The following KLHL3 variants were observed in gnomAD, a reference collection of about 807,000 sequenced individuals.
KLHL3 encodes kelch like family member 3, also known as kelch-like protein 3.
KLHL3 carries 19 observed loss-of-function variants against 70.5 expected under a neutral mutation model. The observed-to-expected ratio is 0.27, with a 90% confidence interval of 0.19 to 0.40. KLHL3 has a LOEUF of 0.40. Ranked by LOEUF, KLHL3 falls within the 10% of genes least tolerant of loss-of-function variation. The pLI, the probability that KLHL3 is intolerant of heterozygous loss-of-function variation, is 1.00. For missense variants in KLHL3, 512 were observed against 771.1 expected (o/e 0.66, Z 3.98); for synonymous variants, 258 against 290.3 (o/e 0.89, Z 1.13).
intron 3 of KLHL3, among the ~76,000 whole-genome samples, chr5:137,699,724 T>C (rs1197790074): frequency 6.6e-6 from 1 of 152,140 alleles, no homozygotes; most frequent in East Asian, 1.9e-4. Flanking sequence ...CATGTCTTTG[T>C]AGACTGAAAT....
At chr5:137,688,472 A>G (rs1371931989) in intron 5 of KLHL3, among the ~76,000 whole-genome samples, 1 of 152,234 alleles carries the variant, frequency 6.6e-6, no homozygotes, top group Non-Finnish European at 1.5e-5. Context: ...CCCTGTGTCT[A>G]GCGGACAGCT....
In KLHL3 at chr5:137,735,634, T is replaced by G; in HGVS notation, c.13A>C (p.Ser5Arg). Residue 5 changes from serine (S) to arginine (R), a missense_variant and splice_region_variant, in exon 1 of 15, where the codon AGT becomes CGT. By Grantham distance (110) the Ser-to-Arg change is moderately radical (BLOSUM62 -1). Coordinates refer to ENST00000309755, the MANE Select transcript of KLHL3 (RefSeq NM_017415.3). Reference sequence around the variant, plus strand: ...CAGCACACACTTATACATACATACCTTTCACCCTCCATTGTGTGAGGCCCA... The same window carrying G: ...CAGCACACACTTATACATACATACCGTTCACCCTCCATTGTGTGAGGCCCA... MEGE[S>R]VKLSSQTLIQ... 1 of 1,610,112 alleles carries G rather than the reference T, an allele frequency of 6.2e-7. No individual in the cohort carries two copies. The highest frequency in any genetic ancestry group is 8.5e-7 in the Non-Finnish European group (1 of 1,176,392).
intron 5 of KLHL3, among the ~76,000 whole-genome samples, chr5:137,683,934 G>A (rs1397983395): frequency 3.3e-5 from 5 of 152,274 alleles, no homozygotes; most frequent in Admixed American, 2.0e-4. Flanking sequence ...AGCAAGCAAC[G>A]AAACCTATCT....
At chr5:137,664,552 G>T (rs1751565971) in intron 6 of KLHL3, among the ~76,000 whole-genome samples, 2 of 151,984 alleles carry the variant, frequency 1.3e-5, no homozygotes, top group Admixed American at 1.3e-4. Context: ...TAAAGGCCAG[G>T]TGCAGTGGCT....
intron 8 of KLHL3, among the ~76,000 whole-genome samples, chr5:137,646,248 C>T (rs1751042280): frequency 6.6e-6 from 1 of 152,086 alleles, no homozygotes; most frequent in African/African-American, 2.4e-5. Flanking sequence ...TATCACCTCA[C>T]CCCAATTAGA....
At chr5:137,665,207 A>G (rs2149899891) in intron 6 of KLHL3, among the ~76,000 whole-genome samples, 1 of 152,332 alleles carries the variant, frequency 6.6e-6, no homozygotes. Context: ...GATTAGAGAG[A>G]TTTATAGACA....
At chr5:137,633,650 T>C (rs1320111102) in intron 12 of KLHL3, among the ~76,000 whole-genome samples, 1 of 152,226 alleles carries the variant, frequency 6.6e-6, no homozygotes, top group African/African-American at 2.4e-5. Context: ...AGTGAAATCA[T>C]GTCCTTTGCA....
chr5:137,708,578 C>G lies in KLHL3; in HGVS notation c.241+1172G>C, dbSNP rs115442277. 1.6e-3 allele frequency among the ~76,000 whole-genome samples: 248 copies of G among 152,294 alleles called. 1 individual carries two copies. The highest frequency in any genetic ancestry group is 5.9e-3 in the African/African-American group (245 of 41,558). On this transcript the variant is annotated intron_variant, in intron 3 of 14. Coordinates refer to ENST00000309755, the MANE Select transcript of KLHL3 (RefSeq NM_017415.3). ...GTACCAGGTGCTCAGTATATGGTAA[C>G]AAACAAGCCCACCAAGGTCCCTGTC...
chr5:137,662,097 T>C, intron 6 of KLHL3, 66 bp from the exon 7 acceptor site: 3 of 439,910 alleles, frequency 6.8e-6, no homozygotes, highest in South Asian at 4.7e-5. Flanking sequence ...ACCCTCAATC[T>C]GTAAAAAAAA....
chr5:137,671,570 G>A (rs746019387), intron 6 of KLHL3, among the ~76,000 whole-genome samples: 17 of 152,084 alleles, frequency 1.1e-4, no homozygotes, highest in East Asian at 1.9e-4. Context: ...AGCTATCTAC[G>A]GTTAATGAGC....
At chr5:137,689,077 C>T (rs1409690379) in intron 5 of KLHL3, among the ~76,000 whole-genome samples, 1 of 152,134 alleles carries the variant, frequency 6.6e-6, no homozygotes, top group Admixed American at 6.5e-5. Context: ...GCCTGGGAGC[C>T]CTAATAAAGG....
rs1750795082 is a variant in KLHL3, at chr5:137,637,384, C to T, written c.1231G>A (p.Val411Met). Reference protein sequence around the residue: ...GFDGSTGLASVEAYSYKTNEW... With the variant: ...GFDGSTGLASMEAYSYKTNEW... Reference sequence around the variant, plus strand: ...TTGGTCTTGTAGCTGTAGGCTTCCACCGATGCTAGGCCTGGGAGACAAGAG... The same window carrying T: ...TTGGTCTTGTAGCTGTAGGCTTCCATCGATGCTAGGCCTGGGAGACAAGAG... Residue 411 changes from valine (V) to methionine (M), a missense_variant, in exon 11 of 15, where the codon GTG becomes ATG. By Grantham distance (21) the Val-to-Met change is conservative. Coordinates refer to ENST00000309755, the MANE Select transcript of KLHL3 (RefSeq NM_017415.3). The T allele has an allele frequency of 6.2e-7, 1 of 1,613,834 alleles. No individual in the cohort carries two copies. The highest frequency in any genetic ancestry group is 1.3e-5 in the African/African-American group (1 of 75,040).
intron 8 of KLHL3, among the ~76,000 whole-genome samples, chr5:137,644,429 A>AC (rs1046038420): frequency 1.5e-4 from 23 of 152,212 alleles, no homozygotes; most frequent in African/African-American, 5.1e-4. Flanking sequence ...GTTGATGGGC[A>AC]CTTAGGTTGA....
At chr5:137,644,975 A>T (rs1017671870) in intron 8 of KLHL3, among the ~76,000 whole-genome samples, 3 of 152,230 alleles carry the variant, frequency 2.0e-5, no homozygotes, top group Non-Finnish European at 4.4e-5. Flanking sequence ...GTGATCAAAT[A>T]GATTCATCCT....
chr5:137,652,825 C>A (rs529083872), intron 8 of KLHL3, among the ~76,000 whole-genome samples: 2 of 151,638 alleles, frequency 1.3e-5, no homozygotes, highest in African/African-American at 4.8e-5. Context: ...GTTCTTACCA[C>A]AAAAAAATAA....
intron 3 of KLHL3, among the ~76,000 whole-genome samples, chr5:137,703,747 C>T (rs569469967): frequency 2.0e-5 from 3 of 152,036 alleles, no homozygotes; most frequent in Admixed American, 6.5e-5. Context: ...TGATAGACAC[C>T]GCCTCATCAC....
At chr5:137,725,290 C>T (rs919188957) in intron 1 of KLHL3, among the ~76,000 whole-genome samples, 2 of 152,168 alleles carry the variant, frequency 1.3e-5, no homozygotes, top group East Asian at 1.9e-4. Flanking sequence ...CACACGTGCA[C>T]GCACACAAAT....
At chr5:137,698,543 G>T in intron 3 of KLHL3, 135 bp from the exon 4 acceptor site, 2 of 969,654 alleles carry the variant, frequency 2.1e-6, no homozygotes, top group Non-Finnish European at 3.1e-6. Flanking sequence ...AGGGATTCAG[G>T]CACAGAAGAG....
intron 6 of KLHL3, among the ~76,000 whole-genome samples, chr5:137,662,739 A>AG: frequency 1.3e-5 from 2 of 152,278 alleles, no homozygotes; most frequent in Middle Eastern, 3.4e-3. Context: ...TCAACGTTGG[A>AG]GGGGCAATGG....
Sources: gnomAD v4.1 joint callset for allele counts (sites outside exome capture counted in the v4.1 genomes callset) on GRCh38, gnomAD v4.1.1 for gene constraint, MANE v1.5 for transcripts, NCBI Gene and HGNC (gene_info 2026-07-23, HGNC 2026-07-21) for gene names.